Variants in PHF24 observed in about 807,000 individuals in gnomAD.
PHF24 encodes the protein PHD finger protein 24, also known as Galpha inhibitory interacting protein.
Under a neutral mutation model 42.6 loss-of-function variants are expected in PHF24, and 25 were observed. The ratio of observed to expected loss-of-function variants is 0.59; its 90% CI spans 0.43 to 0.82. PHF24 has a LOEUF of 0.82. PHF24 is among the 40% of genes least tolerant of loss of function. PHF24 has a pLI of 0.00. For missense variants in PHF24, 470 were observed against 538.1 expected, an observed-to-expected ratio of 0.87 and a Z score of 1.25; for synonymous variants, 185 against 204.8, an observed-to-expected ratio of 0.90 and a Z score of 0.83.
rs1587481994 is a variant in PHF24 at position 34,977,477 on chromosome 9, T to G, written c.1011-69T>G. 7 of 1,477,298 alleles carry G rather than the reference T, an allele frequency of 4.7e-6. No homozygotes were observed. The East Asian group carries it at 1.7e-4, about 36-fold the overall frequency. The allele number at this position is 1,477,298 out of a possible 1,614,324, so 91.5% of individuals were successfully genotyped here. ...ATGAGCATGTCCAGAGCCTTGGGCT[T>G]ACCAGAGTTTGGGAGGGGGCAGGCA... On this transcript the variant is annotated intron_variant, in intron 6 of 7. Coordinates refer to ENST00000242315, the Ensembl canonical transcript of PHF24.
chr9:34,916,982 G>C, the PHF24 span, among the ~76,000 whole-genome samples: 30 of 152,160 alleles, frequency 2.0e-4, no homozygotes, highest in African/African-American at 6.5e-4. Flanking sequence ...ACTGAATTGA[G>C]TAAAAAACTT....
chr9:34,781,889 T>C, the PHF24 span, among the ~76,000 whole-genome samples: 1 of 152,240 alleles, frequency 6.6e-6, no homozygotes, highest in South Asian at 2.1e-4. Context: ...GTATTATTTC[T>C]ATTATTAATG....
the PHF24 span, among the ~76,000 whole-genome samples, chr9:34,914,147 C>T: frequency 2.0e-5 from 3 of 152,138 alleles, no homozygotes; most frequent in African/African-American, 7.2e-5. Flanking sequence ...TATTTACTGT[C>T]ATCTCCCTCT....
chr9:34,915,359 A>G, the PHF24 span, among the ~76,000 whole-genome samples: 2 of 147,802 alleles, frequency 1.4e-5, no homozygotes, highest in Non-Finnish European at 1.5e-5. Context: ...TGATAGTTCT[A>G]TTTTCTTTAC....
the PHF24 span, chr9:34,835,765 T>C: frequency 6.4e-7 from 1 of 1,551,170 alleles, no homozygotes; most frequent in Non-Finnish European, 8.7e-7. Flanking sequence ...GGTTAAAGAT[T>C]TCTGATCTGT....
At chr9:34,751,138 G>A in the PHF24 span, among the ~76,000 whole-genome samples, 2 of 152,324 alleles carry the variant, frequency 1.3e-5, no homozygotes, top group East Asian at 3.9e-4. Flanking sequence ...GCCGAGGAGG[G>A]TGGATCACCT....
the PHF24 span, among the ~76,000 whole-genome samples, chr9:34,921,179 T>TG: frequency 6.6e-6 from 1 of 151,420 alleles, no homozygotes; most frequent in Non-Finnish European, 1.5e-5. Context: ...ACCCAGTTGT[T>TG]TTTTTTTTCC....
At chr9:34,724,275 C>T in the PHF24 span, 1 of 1,551,524 alleles carries the variant, frequency 6.4e-7, no homozygotes, top group South Asian at 1.2e-5. Flanking sequence ...ACCGAGTGGG[C>T]AGAACCCTGG....
At chr9:34,898,195 T>C in the PHF24 span, among the ~76,000 whole-genome samples, 182 of 152,334 alleles carry the variant, frequency 1.2e-3, 1 homozygote, top group Non-Finnish European at 1.6e-3. Flanking sequence ...TACCCAGTAG[T>C]GGGATTGCTG....
the PHF24 span, among the ~76,000 whole-genome samples, chr9:34,687,331 G>A: frequency 6.6e-6 from 1 of 152,146 alleles, no homozygotes; most frequent in Non-Finnish European, 1.5e-5. Context: ...AGACTTTGTG[G>A]GGTGTCTATG....
the PHF24 span, among the ~76,000 whole-genome samples, chr9:34,770,656 A>G: frequency 6.6e-6 from 1 of 152,154 alleles, no homozygotes; most frequent in Non-Finnish European, 1.5e-5. Flanking sequence ...AAAACACCAG[A>G]AAGATATAGA....
At chr9:34,706,579 A>G in the PHF24 span, among the ~76,000 whole-genome samples, 3 of 152,224 alleles carry the variant, frequency 2.0e-5, no homozygotes, top group Admixed American at 2.0e-4. Context: ...TCAAAGATGA[A>G]GGCAGACAAG....
At chr9:34,736,547 T>C in the PHF24 span, among the ~76,000 whole-genome samples, 1 of 152,122 alleles carries the variant, frequency 6.6e-6, no homozygotes, top group Admixed American at 6.5e-5. Context: ...GCTCAAGTCA[T>C]CCTCCCACCT....
At chr9:34,942,717 G>A in the PHF24 span, among the ~76,000 whole-genome samples, 11 of 152,004 alleles carry the variant, frequency 7.2e-5, no homozygotes, top group South Asian at 2.1e-4. Context: ...GGATGAAGCT[G>A]GAAACCATCA....
chr9:34,844,774 C>A, the PHF24 span, among the ~76,000 whole-genome samples: 1 of 152,088 alleles, frequency 6.6e-6, no homozygotes, highest in African/African-American at 2.4e-5. Flanking sequence ...TCCACGTGTG[C>A]TTGAGAGAAA....
chr9:34,830,329 A>G, the PHF24 span, among the ~76,000 whole-genome samples: 5 of 152,216 alleles, frequency 3.3e-5, no homozygotes, highest in Non-Finnish European at 7.3e-5. Flanking sequence ...CCTTAAAATC[A>G]TTCTTTGGTC....
chr9:34,950,183 A>G, the PHF24 span, among the ~76,000 whole-genome samples: 1 of 151,910 alleles, frequency 6.6e-6, no homozygotes, highest in Non-Finnish European at 1.5e-5. Context: ...CCCCGTCTCT[A>G]CTAAAAATAC....
chr9:34,709,042 G>A, the PHF24 span: 4 of 359,426 alleles, frequency 1.1e-5, no homozygotes, highest in Admixed American at 4.5e-5. Flanking sequence ...ATTCAGTTAG[G>A]TATAAATCAT....
At chr9:34,922,315 G>A in the PHF24 span, 2 of 1,589,422 alleles carry the variant, frequency 1.3e-6, no homozygotes, top group African/African-American at 1.3e-5. Flanking sequence ...AATGTATCAA[G>A]TTCAGCAATG....
Sources: allele counts gnomAD v4.1 joint callset (sites outside exome capture counted in the v4.1 genomes callset), GRCh38; gene constraint gnomAD v4.1.1; transcripts MANE v1.5; gene names NCBI Gene and HGNC (gene_info 2026-07-23, HGNC 2026-07-21).